Variants in TAF1 observed in about 807,000 individuals in gnomAD.
The protein encoded by TAF1 is transcription initiation factor TFIID subunit 1.
TAF1 carries 2 observed loss-of-function variants against 138.5 expected under a neutral mutation model. That is an observed-to-expected ratio of 0.01 (90% CI 0.01 to 0.05). TAF1 has a LOEUF of 0.05. Ranked by LOEUF, TAF1 falls within the 10% of genes least tolerant of loss-of-function variation. The probability of loss-of-function intolerance (pLI) is 1.00; values close to 1 mark genes in which losing one functional copy is unlikely to be tolerated. For synonymous variants in TAF1, 437 were observed against 503.2 expected (o/e 0.87, Z 1.76); for missense variants, 709 against 1,478.0 (o/e 0.48, Z 8.53).
At chrX:71,418,565 AAC>A (rs2036153458) in intron 28 of TAF1, among the ~76,000 whole-genome samples, 1 of 112,495 alleles carries the variant, frequency 8.9e-6, no homozygotes, top group Non-Finnish European at 1.9e-5. Flanking sequence ...GGGGAGCACT[AAC>A]ACAAAAGGAT....
At chrX:71,388,506 C>T in intron 16 of TAF1, 128 bp downstream of exon 16, 1 of 1,004,678 alleles carries the variant, frequency 1.0e-6, no homozygotes, top group Non-Finnish European at 1.3e-6. Flanking sequence ...GGTAGCAGAT[C>T]TTCTAACACT....
chrX:71,469,704 A>AT (rs2038845879), downstream of TAF1, among the ~76,000 whole-genome samples: 1 of 109,831 alleles, frequency 9.1e-6, no homozygotes, highest in South Asian at 3.9e-4. Context: ...TTTTTATTTT[A>AT]TTTTATTTTA....
At chrX:71,452,817 G>T (rs1206243095) in intron 32 of TAF1, among the ~76,000 whole-genome samples, 1 of 112,433 alleles carries the variant, frequency 8.9e-6, no homozygotes, top group Non-Finnish European at 1.9e-5. Context: ...CCGGCACCTC[G>T]TGAGGCCGAG....
intron 32 of TAF1, among the ~76,000 whole-genome samples, chrX:71,442,151 C>G (rs1250485923): frequency 8.9e-6 from 1 of 112,139 alleles, no homozygotes; most frequent in Non-Finnish European, 1.9e-5. Flanking sequence ...TTTATAGCAG[C>G]ATGATTTATA....
chrX:71,405,308 C>G (rs961751741), intron 25 of TAF1, among the ~76,000 whole-genome samples: 3 of 110,622 alleles, frequency 2.7e-5, no homozygotes, highest in Non-Finnish European at 1.9e-5. Flanking sequence ...TTTAAGAAAT[C>G]AATTTGATAC....
Position 71,377,674 on chromosome X carries a change from G to A in TAF1, c.786G>A (p.Lys262=). 3.3e-6 allele frequency: 4 copies of A among 1,211,797 alleles called. No individual in the cohort carries two copies. Among genetic ancestry groups the A allele is most frequent in the Non-Finnish European group, 4.5e-6 (4 of 895,580 alleles). ...CTGTTTGGCGGAGTGCTCGGAGAAA[G>A]AGGAAGAAGAAGCACCGTGAGCTGA... ...VPSVWRSARR[K]RKKKHRELIQ... is the part of the protein sequence containing the mutation. The change falls in exon 6 of 38, where the codon AAG becomes AAA. Residue 262 remains lysine, a synonymous_variant. Transcript: ENST00000423759.
At chrX:71,448,825 T>TC (rs1311631732) in intron 32 of TAF1, among the ~76,000 whole-genome samples, 1 of 106,809 alleles carries the variant, frequency 9.4e-6, no homozygotes, top group Admixed American at 1.0e-4. Flanking sequence ...TTTTTCTTTT[T>TC]TTTTTTTTTT....
In TAF1 at chrX:71,375,223, C is replaced by G; in HGVS notation, c.409C>G (p.Pro137Ala). The G allele has an allele frequency of 8.3e-7, 1 of 1,210,368 alleles. No homozygotes were observed. The highest frequency in any genetic ancestry group is 1.1e-6 in the Non-Finnish European group (1 of 895,132). Residue 137 changes from proline to alanine, a missense_variant, in exon 4 of 38, where the codon CCT becomes GCT. Physicochemically the swap from Pro to Ala is conservative, Grantham distance 27. This residue lies in a region of TAF1 where 123 missense variants were observed against 161.6 expected (regional missense o/e 0.76). Coordinates refer to ENST00000423759, the MANE Select transcript of TAF1 (RefSeq NM_004606.5). ...DCEDIDCKLM[P>A]PPPPPPGPMK... is the part of the protein sequence containing the mutation. The stretch of plus-strand genomic sequence containing the variant: ...TGAAGACATTGATTGCAAGTTGATG[C>G]CTCCTCCACCTCCACCCCCGGGACC...
At chrX:71,473,066 T>C (rs755964247) in intron 13 of TAF1, among the ~76,000 whole-genome samples, 4 of 112,099 alleles carry the variant, frequency 3.6e-5, no homozygotes, top group Non-Finnish European at 7.5e-5. Flanking sequence ...ATTCCAGCAC[T>C]TAGTACATGT....
At chrX:71,490,731 CTTT>C (rs756329313) in intron 13 of TAF1, among the ~76,000 whole-genome samples, 2 of 95,782 alleles carry the variant, frequency 2.1e-5, no homozygotes. Flanking sequence ...TTCATTTTCT[CTTT>C]TTTTTTTTTT....
intron 32 of TAF1, among the ~76,000 whole-genome samples, chrX:71,448,209 G>GC: frequency 9.0e-6 from 1 of 111,251 alleles, no homozygotes; most frequent in Non-Finnish European, 1.9e-5. Flanking sequence ...CTTCTTCCCA[G>GC]CCCCCCTACA....
Position 71,387,300 on chromosome X carries a change from C to T in TAF1, c.2266C>T (p.His756Tyr). The change falls in exon 15 of 38, where the codon CAT becomes TAT. Residue 756 changes from histidine to tyrosine, a missense_variant. His to Tyr is a moderately conservative substitution (Grantham distance 83, BLOSUM62 2). This residue lies in a region of TAF1 where 201 missense variants were observed against 421.3 expected (regional missense o/e 0.48). Coordinates refer to ENST00000423759, the MANE Select transcript of TAF1 (RefSeq NM_004606.5). ...NNLFRAPIYLHKMPETDFLII... is the reference protein window; with the variant it reads ...NNLFRAPIYLYKMPETDFLII... ...CCTTTTTCGTGCTCCAATTTATCTTCATAAGATGCCAGAAACTGATTTCTT... is the reference window on the plus strand; with the variant it reads ...CCTTTTTCGTGCTCCAATTTATCTTTATAAGATGCCAGAAACTGATTTCTT... 5 of 1,211,714 alleles carry T rather than the reference C, an allele frequency of 4.1e-6. No homozygotes were observed. The highest frequency in any genetic ancestry group is 5.6e-6 in the Non-Finnish European group (5 of 895,531).
intron 1 of TAF1, 61 bp downstream of exon 1, chrX:71,366,555 C>T: frequency 1.9e-6 from 2 of 1,043,414 alleles, no homozygotes; most frequent in Non-Finnish European, 2.5e-6. Flanking sequence ...GAAGGAGGTG[C>T]GGGGAGGAAA....
chrX:71,378,002 ATGTT>A (rs1345596011), intron 6 of TAF1, 181 bp downstream of exon 6: 14 of 675,904 alleles, frequency 2.1e-5, no homozygotes, highest in Non-Finnish European at 2.6e-5. Flanking sequence ...TAAAAGAAAA[ATGTT>A]TGGTGGGGTA....
chrX:71,462,207 T>C (rs2038576352), intron 37 of TAF1, among the ~76,000 whole-genome samples: 1 of 112,104 alleles, frequency 8.9e-6, no homozygotes, highest in African/African-American at 3.2e-5. Flanking sequence ...AAGATTGTCC[T>C]GTGCCCCAAA....
downstream of TAF1, among the ~76,000 whole-genome samples, chrX:71,470,007 T>A (rs1031325237): frequency 8.9e-6 from 1 of 111,752 alleles, no homozygotes; most frequent in Non-Finnish European, 1.9e-5. Flanking sequence ...GGCCTAAAGT[T>A]TTAAAATAAA....
intron 13 of TAF1, among the ~76,000 whole-genome samples, chrX:71,495,388 C>T (rs1173803976): frequency 8.9e-6 from 1 of 111,922 alleles, no homozygotes; most frequent in South Asian, 3.7e-4. Flanking sequence ...AGCAAGATGG[C>T]TGTCATGGGA....
intron 26 of TAF1, 47 bp from the exon 27 acceptor site, chrX:71,407,527 A>AT (rs754701424): frequency 1.5e-5 from 17 of 1,130,988 alleles, no homozygotes; most frequent in South Asian, 5.5e-5. Flanking sequence ...CAGAATGTGG[A>AT]TTTTTTTTGG....
At chrX:71,396,931 G>A (rs2034885689) in intron 22 of TAF1, among the ~76,000 whole-genome samples, 1 of 106,922 alleles carries the variant, frequency 9.4e-6, no homozygotes, top group Non-Finnish European at 1.9e-5. Flanking sequence ...AGGCTGAGCT[G>A]GGAGGATGGA....
Sources: allele counts gnomAD v4.1 joint callset (sites outside exome capture counted in the v4.1 genomes callset), GRCh38; gene constraint gnomAD v4.1.1; regional missense constraint gnomAD v4.1.1; transcripts MANE v1.5; gene names NCBI Gene and HGNC (gene_info 2026-07-23, HGNC 2026-07-21).